SPMIP5: variants seen among roughly 807,000 people sequenced by gnomAD.
SPMIP5 encodes sperm microtubule inner protein 5.
the SPMIP5 span, chr10:116,663,660 A>AGC: frequency 2.2e-6 from 1 of 456,216 alleles, no homozygotes; most frequent in Non-Finnish European, 3.8e-6. Flanking sequence ...CATGGTCAAC[A>AGC]TAACCTGGAG....
the SPMIP5 span, among the ~76,000 whole-genome samples, chr10:116,668,956 C>CACACACACACAT: frequency 6.6e-6 from 1 of 151,604 alleles, no homozygotes; most frequent in African/African-American, 2.4e-5. Flanking sequence ...CACACACACA[C>CACACACACACAT]ACACACACAC....
chr10:116,667,919 G>A, the SPMIP5 span, among the ~76,000 whole-genome samples: 2 of 152,202 alleles, frequency 1.3e-5, no homozygotes, highest in Non-Finnish European at 2.9e-5. Flanking sequence ...CCAACTTGGG[G>A]AGAACAGGGC....
the SPMIP5 span, chr10:116,664,635 T>G: frequency 6.7e-7 from 1 of 1,492,282 alleles, no homozygotes; most frequent in Non-Finnish European, 8.9e-7. Context: ...TGAGGCACCT[T>G]CTCTAAGACA....
the SPMIP5 span, among the ~76,000 whole-genome samples, chr10:116,667,383 T>G: frequency 3.9e-5 from 6 of 152,340 alleles, no homozygotes; most frequent in East Asian, 1.2e-3. Context: ...TTTGTGGTAA[T>G]TTGTTGCAGT....
the SPMIP5 span, chr10:116,664,859 G>C: frequency 6.2e-7 from 1 of 1,614,184 alleles, no homozygotes; most frequent in East Asian, 2.2e-5. Context: ...TCGTGCCACA[G>C]CCAAATTCAG....
chr10:116,663,938 G>A, the SPMIP5 span: 1 of 1,537,338 alleles, frequency 6.5e-7, no homozygotes, highest in South Asian at 1.2e-5. Flanking sequence ...GAGGACAGTG[G>A]CTCTAGATAC....
At chr10:116,668,744 C>A in the SPMIP5 span, among the ~76,000 whole-genome samples, 2 of 151,932 alleles carry the variant, frequency 1.3e-5, no homozygotes, top group Non-Finnish European at 2.9e-5. Context: ...GAGGCCCGCA[C>A]ACCCCCAGAC....
At chr10:116,665,879 T>G in the SPMIP5 span, 2 of 1,499,644 alleles carry the variant, frequency 1.3e-6, no homozygotes, top group Non-Finnish European at 1.8e-6. Context: ...CAGCAAGGAA[T>G]TCAGAGCCCG....
At chr10:116,668,166 T>C in the SPMIP5 span, 1 of 1,278,796 alleles carries the variant, frequency 7.8e-7, no homozygotes, top group African/African-American at 1.5e-5. Flanking sequence ...TCCAGTTGGC[T>C]GCACAGACAC....
chr10:116,667,726 G>A, the SPMIP5 span, among the ~76,000 whole-genome samples: 2 of 152,196 alleles, frequency 1.3e-5, no homozygotes, highest in South Asian at 2.1e-4. Flanking sequence ...GCAACCAATC[G>A]TCCTGGTTTG....
chr10:116,668,966 CACACAA>C, the SPMIP5 span, among the ~76,000 whole-genome samples: 5 of 140,262 alleles, frequency 3.6e-5, no homozygotes, highest in South Asian at 6.9e-4. Context: ...CACACACACA[CACACAA>C]ACAAGGGAGA....
chr10:116,667,954 T>C, the SPMIP5 span, among the ~76,000 whole-genome samples: 1 of 151,902 alleles, frequency 6.6e-6, no homozygotes, highest in Non-Finnish European at 1.5e-5. Flanking sequence ...GTGTCTATCC[T>C]CATCACATTG....
chr10:116,665,673 T>C, the SPMIP5 span: 1 of 1,613,800 alleles, frequency 6.2e-7, no homozygotes, highest in Non-Finnish European at 8.5e-7. Flanking sequence ...CTCCTCGGAG[T>C]TGACAGGTTT....
chr10:116,664,975 A>C, the SPMIP5 span: 1 of 1,586,972 alleles, frequency 6.3e-7, no homozygotes, highest in Non-Finnish European at 8.6e-7. Flanking sequence ...GGCACAGAGA[A>C]AGCAACTAAA....
At chr10:116,663,749 A>T in the SPMIP5 span, 2 of 777,710 alleles carry the variant, frequency 2.6e-6, no homozygotes, top group Non-Finnish European at 3.9e-6. Context: ...CTTTATCATT[A>T]ATGACATGCA....
At chr10:116,669,564 G>C in the SPMIP5 span, among the ~76,000 whole-genome samples, 1 of 152,182 alleles carries the variant, frequency 6.6e-6, no homozygotes, top group Non-Finnish European at 1.5e-5. Flanking sequence ...GCAACAGACA[G>C]GGAACACTGG....
At chr10:116,668,094 A>G in the SPMIP5 span, among the ~76,000 whole-genome samples, 1 of 152,234 alleles carries the variant, frequency 6.6e-6, no homozygotes, top group Non-Finnish European at 1.5e-5. Context: ...CCCGGCCATC[A>G]GCCATCTTCA....
the SPMIP5 span, chr10:116,664,305 C>T: frequency 7.0e-7 from 1 of 1,429,490 alleles, no homozygotes; most frequent in Non-Finnish European, 9.6e-7. Flanking sequence ...AAGTTATGGA[C>T]CTTTTATTAA....
At chr10:116,667,277 C>A in the SPMIP5 span, among the ~76,000 whole-genome samples, 1 of 152,206 alleles carries the variant, frequency 6.6e-6, no homozygotes, top group African/African-American at 2.4e-5. Context: ...TTCCCTAGCG[C>A]CTTCAGAAAG....
Sources: gnomAD v4.1 joint callset for allele counts (sites outside exome capture counted in the v4.1 genomes callset) on GRCh38, gnomAD v4.1.1 for gene constraint, MANE v1.5 for transcripts, NCBI Gene and HGNC (gene_info 2026-07-23, HGNC 2026-07-21) for gene names.